Variants in KCNH1 observed in about 807,000 individuals in gnomAD.
KCNH1 encodes the protein potassium voltage-gated channel subfamily H member 1.
Under a neutral mutation model 69.2 loss-of-function variants are expected in KCNH1, and 27 were observed. The observed-to-expected ratio is 0.39, with a 90% CI of 0.29 to 0.54. The LOEUF is 0.54. Ranked by LOEUF, KCNH1 falls within the 20% of genes least tolerant of loss-of-function variation. The pLI, the probability that KCNH1 is intolerant of heterozygous loss-of-function variation, is 0.68. For synonymous variants in KCNH1, 456 were observed against 487.7 expected (o/e 0.93, Z 0.86); for missense variants, 798 against 1,261.6 (o/e 0.63, Z 5.57).
chr1:210,924,008 T>C (rs1472937039), intron 6 of KCNH1, among the ~76,000 whole-genome samples: 1 of 152,144 alleles, frequency 6.6e-6, no homozygotes, highest in African/African-American at 2.4e-5. Flanking sequence ...TGGATACAGA[T>C]GGAAAATATT....
At chr1:210,962,456 T>C (rs1365056795) in intron 6 of KCNH1, among the ~76,000 whole-genome samples, 2 of 152,172 alleles carry the variant, frequency 1.3e-5, no homozygotes, top group Non-Finnish European at 2.9e-5. Context: ...CCTTAAATAA[T>C]GTTATTTAGT....
chr1:211,039,683 G>A (rs972634987), intron 5 of KCNH1, among the ~76,000 whole-genome samples: 4 of 152,128 alleles, frequency 2.6e-5, no homozygotes, highest in Non-Finnish European at 2.9e-5. Context: ...TGACTGCCCC[G>A]CTGGATTTCA....
chr1:210,950,647 T>G (rs1386786124), intron 6 of KCNH1, among the ~76,000 whole-genome samples: 1 of 152,030 alleles, frequency 6.6e-6, no homozygotes, highest in African/African-American at 2.4e-5. Context: ...GTTCCAAGTC[T>G]TTGCTATCAG....
chr1:210,917,317 A>G (rs904524436), intron 7 of KCNH1, among the ~76,000 whole-genome samples: 5 of 151,090 alleles, frequency 3.3e-5, no homozygotes, highest in South Asian at 2.1e-4. Flanking sequence ...GAGAGAGAGA[A>G]AGAAAGGGAG....
In KCNH1 at chr1:210,678,428, C is replaced by A. The variant is rs774026146; in HGVS notation, c.*4853G>T. ...AATATCATCAATGGAAGGGCCTGCACGTTCCTCTTAACATTCCCAAGCCAC... is the reference window on the plus strand; with the variant it reads ...AATATCATCAATGGAAGGGCCTGCAAGTTCCTCTTAACATTCCCAAGCCAC... On this transcript the variant is annotated 3_prime_UTR_variant, in exon 11 of 11. Transcript: ENST00000271751. 6.6e-6 allele frequency: 1 copy of A among 152,118 alleles called. No individual in the cohort carries two copies. 9.4% of individuals were successfully genotyped at this position (152,118 alleles called of 1,614,324 possible).
intron 5 of KCNH1, among the ~76,000 whole-genome samples, chr1:211,038,399 G>A (rs1257553606): frequency 6.6e-6 from 1 of 152,080 alleles, no homozygotes; most frequent in Non-Finnish European, 1.5e-5. Flanking sequence ...GCATGAAAAC[G>A]GACTAATACA....
intron 5 of KCNH1, among the ~76,000 whole-genome samples, chr1:211,035,714 G>A (rs1689884805): frequency 6.6e-6 from 1 of 152,094 alleles, no homozygotes; most frequent in African/African-American, 2.4e-5. Context: ...GGACATTACT[G>A]AAAACAGAAG....
intron 6 of KCNH1, among the ~76,000 whole-genome samples, chr1:210,922,666 T>A (rs1219952023): frequency 6.6e-6 from 1 of 152,124 alleles, no homozygotes; most frequent in Non-Finnish European, 1.5e-5. Context: ...TAAAAAGGGC[T>A]GAGAAAATCC....
At chr1:210,977,231 G>A (rs1405440676) in intron 6 of KCNH1, among the ~76,000 whole-genome samples, 2 of 152,108 alleles carry the variant, frequency 1.3e-5, no homozygotes, top group Non-Finnish European at 2.9e-5. Flanking sequence ...ACTCATAGGT[G>A]GGAACTGAAC....
intron 6 of KCNH1, among the ~76,000 whole-genome samples, chr1:210,979,468 C>A (rs1688673046): frequency 6.6e-6 from 1 of 152,146 alleles, no homozygotes; most frequent in East Asian, 1.9e-4. Context: ...ATTATTGTTT[C>A]ATTTAGCATT....
chr1:210,688,759 A>C (rs1574182170), intron 10 of KCNH1, among the ~76,000 whole-genome samples: 2 of 152,204 alleles, frequency 1.3e-5, no homozygotes, highest in African/African-American at 4.8e-5. Context: ...ACAACTGCTC[A>C]TTGGCTCTTG....
intron 5 of KCNH1, among the ~76,000 whole-genome samples, chr1:211,076,579 A>G (rs1333035116): frequency 6.6e-6 from 1 of 152,264 alleles, no homozygotes; most frequent in African/African-American, 2.4e-5. Context: ...CAAAAAGGAT[A>G]ACCACACCAA....
chr1:210,905,591 T>C (rs955863226), intron 7 of KCNH1, among the ~76,000 whole-genome samples: 4 of 151,976 alleles, frequency 2.6e-5, no homozygotes, highest in African/African-American at 9.7e-5. Flanking sequence ...CAACAATAAA[T>C]TGCTCACATT....
chr1:210,861,431 T>C, intron 7 of KCNH1: 1 of 776,638 alleles, frequency 1.3e-6, no homozygotes, highest in South Asian at 1.3e-5. Flanking sequence ...ATTATACTCC[T>C]AGGAAACACT....
At chr1:211,093,151 T>C (rs1183837899) in intron 3 of KCNH1, among the ~76,000 whole-genome samples, 1 of 152,138 alleles carries the variant, frequency 6.6e-6, no homozygotes, top group Non-Finnish European at 1.5e-5. Context: ...GCCTGGGAAC[T>C]TGCTCATTCT....
intron 10 of KCNH1, among the ~76,000 whole-genome samples, chr1:210,739,529 G>T (rs1336363392): frequency 1.3e-5 from 2 of 152,188 alleles, no homozygotes; most frequent in Non-Finnish European, 1.5e-5. Context: ...AACTTGGCAG[G>T]ACCCAAGGCC....
At chr1:210,784,583 T>C (rs1684056938) in intron 9 of KCNH1, among the ~76,000 whole-genome samples, 1 of 152,186 alleles carries the variant, frequency 6.6e-6, no homozygotes, top group Non-Finnish European at 1.5e-5. Context: ...TGAGGGGGCC[T>C]TGGCTGCAGG....
intron 6 of KCNH1, among the ~76,000 whole-genome samples, chr1:210,933,201 A>C (rs1157600472): frequency 6.6e-6 from 1 of 152,258 alleles, no homozygotes; most frequent in Non-Finnish European, 1.5e-5. Flanking sequence ...GGATGAGTTC[A>C]TGTCCTTTGT....
intron 7 of KCNH1, among the ~76,000 whole-genome samples, chr1:210,830,213 G>A (rs539496334): frequency 2.0e-5 from 3 of 152,084 alleles, no homozygotes; most frequent in African/African-American, 7.2e-5. Context: ...TGCCTTCCCC[G>A]TCATCTGCCT....
Sources: allele counts gnomAD v4.1 joint callset (sites outside exome capture counted in the v4.1 genomes callset), GRCh38; gene constraint gnomAD v4.1.1; transcripts MANE v1.5; gene names NCBI Gene and HGNC (gene_info 2026-07-23, HGNC 2026-07-21).